The following CHL1 variants were observed in gnomAD, a reference collection of about 807,000 sequenced individuals.
CHL1 encodes neural cell adhesion molecule L1-like protein.
CHL1 carries 96 observed loss-of-function variants against 141.9 expected under a neutral mutation model. The ratio of observed to expected loss-of-function variants is 0.68; its 90% CI spans 0.57 to 0.80. The LOEUF is 0.80. CHL1 is among the 30% of genes least tolerant of loss of function. The pLI, the probability that CHL1 is intolerant of heterozygous loss-of-function variation, is 0.00. For missense variants in CHL1, 1,820 were observed against 1,457.2 expected, an observed-to-expected ratio of 1.25 and a Z score of -4.05; for synonymous variants, 613 against 502.2, an observed-to-expected ratio of 1.22 and a Z score of -2.95.
intron 1 of CHL1, among the ~76,000 whole-genome samples, chr3:218,855 T>C (rs944861113): frequency 6.6e-6 from 1 of 152,066 alleles, no homozygotes; most frequent in African/African-American, 2.4e-5. Flanking sequence ...AATTGAAAAG[T>C]CAAAAAGTAG....
At position 244,687 on chromosome 3, in the gene CHL1, T is replaced by C. The variant is rs974210246; in HGVS notation, c.-100T>C. ...ATAGTGGAACTAAGGGGAACTTAAT[T>C]TACTGGTAAGAGTATTTTCCTTAAT... On this transcript the variant is annotated 5_prime_UTR_variant, in exon 2 of 28. Coordinates refer to ENST00000256509, the MANE Select transcript of CHL1 (RefSeq NM_006614.4). The C allele has an allele frequency of 6.6e-6, 1 of 152,232 alleles. No homozygotes were observed. The highest frequency in any genetic ancestry group is 1.5e-5 in the Non-Finnish European group (1 of 68,040). The allele number at this position is 152,232 out of a possible 1,614,324, so 9.4% of individuals were successfully genotyped here.
chr3:253,280 A>C (rs1188432031), intron 2 of CHL1, among the ~76,000 whole-genome samples: 4 of 152,096 alleles, frequency 2.6e-5, no homozygotes, highest in Admixed American at 2.6e-4. Context: ...CTCCCTTAGC[A>C]CCATAGTTAT....
chr3:246,975 G>GGTAC (rs1203000840), intron 2 of CHL1: 1 of 151,866 alleles, frequency 6.6e-6, no homozygotes, highest in Non-Finnish European at 1.5e-5. Flanking sequence ...ACTGCTTGAT[G>GGTAC]GTACTTATCT....
chr3:236,975 G>A (rs78541319), intron 1 of CHL1, among the ~76,000 whole-genome samples: 5 of 152,090 alleles, frequency 3.3e-5, no homozygotes, highest in African/African-American at 1.2e-4. Context: ...TAGGAAACAC[G>A]TCATTAATAG....
At chr3:333,106 T>G (rs2125101750) in intron 5 of CHL1, among the ~76,000 whole-genome samples, 1 of 145,578 alleles carries the variant, frequency 6.9e-6, no homozygotes. Flanking sequence ...CTGAGCTACG[T>G]TGTTGGATAA....
intron 1 of CHL1, among the ~76,000 whole-genome samples, chr3:223,742 G>A (rs331853): frequency 0.84 from 128,500 of 152,110 alleles, 55,066 homozygotes; most frequent in East Asian, 1. Flanking sequence ...ACTCAGATCA[G>A]CATCTCTGAA....
At position 391,141 on chromosome 3, in the gene CHL1, T is replaced by A; in HGVS notation, c.2773T>A (p.Phe925Ile). 1 of 1,611,860 alleles carries A rather than the reference T, an allele frequency of 6.2e-7. No homozygotes were observed. The highest frequency in any genetic ancestry group is 1.1e-5 in the South Asian group (1 of 91,046). ...GAGPESEPYI[F>I]QTPEGVPEQP... ...TGGTCCTGAAAGTGAGCCTTATATA[T>A]TTCAAACACCAGAAGGAGGTGAGAG... Residue 925 changes from phenylalanine (F) to isoleucine (I), a missense_variant, in exon 22 of 28, where the codon TTT becomes ATT. By Grantham distance (21) the Phe-to-Ile change is conservative. Transcript: ENST00000256509.
intron 15 of CHL1, among the ~76,000 whole-genome samples, chr3:374,643 C>G (rs774648375): frequency 4.6e-5 from 7 of 152,176 alleles, no homozygotes; most frequent in Non-Finnish European, 1.0e-4. Context: ...GCCAATTTCC[C>G]TAAACAAGTA....
intron 2 of CHL1, among the ~76,000 whole-genome samples, chr3:269,042 T>C (rs1695411103): frequency 6.6e-6 from 1 of 152,198 alleles, no homozygotes; most frequent in African/African-American, 2.4e-5. Context: ...TAGCCTGGTA[T>C]ACCATTTACT....
intron 1 of CHL1, among the ~76,000 whole-genome samples, chr3:208,001 C>T (rs1699587138): frequency 6.6e-6 from 1 of 152,144 alleles, no homozygotes; most frequent in African/African-American, 2.4e-5. Flanking sequence ...AAAGGGCTGG[C>T]AGTCATCAGA....
At chr3:237,081 T>A (rs1311114086) in intron 1 of CHL1, among the ~76,000 whole-genome samples, 2 of 152,204 alleles carry the variant, frequency 1.3e-5, no homozygotes, top group Non-Finnish European at 2.9e-5. Flanking sequence ...CGCTGTTGGC[T>A]TCTAATATGG....
At chr3:290,056 A>G (rs1383745470) in intron 2 of CHL1, among the ~76,000 whole-genome samples, 2 of 151,528 alleles carry the variant, frequency 1.3e-5, no homozygotes, top group Non-Finnish European at 2.9e-5. Context: ...CTTGTTCAAC[A>G]CAGTTTTTTT....
chr3:389,782 A>C (rs893361705), intron 20 of CHL1, among the ~76,000 whole-genome samples: 1 of 152,212 alleles, frequency 6.6e-6, no homozygotes, highest in Admixed American at 6.5e-5. Context: ...CATAACTGTC[A>C]TAAGATTTTC....
intron 1 of CHL1, among the ~76,000 whole-genome samples, chr3:212,684 G>A (rs527394336): frequency 3.4e-4 from 52 of 152,180 alleles, no homozygotes; most frequent in Non-Finnish European, 6.5e-4. Flanking sequence ...TTCAGCTGGA[G>A]TCAGCCTTCA....
At chr3:288,418 C>T (rs180992722) in intron 2 of CHL1, among the ~76,000 whole-genome samples, 4 of 151,868 alleles carry the variant, frequency 2.6e-5, no homozygotes, top group African/African-American at 9.7e-5. Flanking sequence ...CAACTGGTTA[C>T]AGTTTGCTAC....
At chr3:381,621 A>T (rs535324626) in intron 16 of CHL1, among the ~76,000 whole-genome samples, 120 of 152,324 alleles carry the variant, frequency 7.9e-4, no homozygotes, top group Admixed American at 1.0e-3. Context: ...TCATAGGTGG[A>T]TTCAAAGATT....
At chr3:283,361 A>T (rs1448590327) in intron 2 of CHL1, among the ~76,000 whole-genome samples, 2 of 152,214 alleles carry the variant, frequency 1.3e-5, no homozygotes, top group African/African-American at 4.8e-5. Context: ...TACCAAGAGT[A>T]TAAGTTTCCT....
intron 1 of CHL1, among the ~76,000 whole-genome samples, chr3:204,168 C>A (rs1423804855): frequency 6.6e-6 from 1 of 152,186 alleles, no homozygotes; most frequent in Non-Finnish European, 1.5e-5. Flanking sequence ...AAGATGAGAG[C>A]TGACATAGCA....
At chr3:222,450 G>C (rs1700930154) in intron 1 of CHL1, among the ~76,000 whole-genome samples, 1 of 152,204 alleles carries the variant, frequency 6.6e-6, no homozygotes, top group African/African-American at 2.4e-5. Flanking sequence ...GAATCACAGA[G>C]TGATTACCTA....
Sources: gnomAD v4.1 joint callset for allele counts (sites outside exome capture counted in the v4.1 genomes callset) on GRCh38, gnomAD v4.1.1 for gene constraint, MANE v1.5 for transcripts, NCBI Gene and HGNC (gene_info 2026-07-23, HGNC 2026-07-21) for gene names.